TTLL7: variants seen among roughly 807,000 people sequenced by gnomAD.
TTLL7 encodes the protein tubulin polyglutamylase TTLL7.
Under a neutral mutation model 120.2 loss-of-function variants are expected in TTLL7, and 53 were observed. That is an observed-to-expected ratio of 0.44 (90% confidence interval 0.35 to 0.55). The LOEUF is 0.55. TTLL7 is among the 20% of genes least tolerant of loss of function. TTLL7 has a pLI of 0.00. For missense variants in TTLL7, 803 were observed against 1,054.7 expected, an observed-to-expected ratio of 0.76 and a Z score of 3.31; for synonymous variants, 353 against 351.7, an observed-to-expected ratio of 1.00 and a Z score of -0.04.
rs146752944 is a variant in TTLL7 at position 83,872,065 on chromosome 1, A to G, written c.2544-1983T>C. Among the ~76,000 whole-genome samples, 232 of 152,320 alleles carry G rather than the reference A, an allele frequency of 1.5e-3. 5 individuals carry two copies. In the East Asian group the frequency reaches 0.04, roughly 26 times the overall value. The stretch of plus-strand genomic sequence containing the variant: ...GTCAATGGAAAATTATAGTTGTGTT[A>G]TATGAATTATGTAGAAAGAAATGCA... On this transcript the variant is annotated intron_variant, in intron 20 of 20. Coordinates refer to ENST00000260505, the MANE Select transcript of TTLL7 (RefSeq NM_024686.6).
chr1:83,977,871 A>G (rs1651633918), intron 1 of TTLL7, among the ~76,000 whole-genome samples: 1 of 152,206 alleles, frequency 6.6e-6, no homozygotes, highest in Admixed American at 6.5e-5. Context: ...GAATAGAACA[A>G]TGTTTTCCTT....
intron 19 of TTLL7, among the ~76,000 whole-genome samples, chr1:83,888,889 G>T (rs1655195952): frequency 6.6e-6 from 1 of 151,910 alleles, no homozygotes; most frequent in Non-Finnish European, 1.5e-5. Context: ...AGAAGGATAT[G>T]AGAAACAAAA....
intron 20 of TTLL7, among the ~76,000 whole-genome samples, chr1:83,870,887 G>T (rs1331519647): frequency 1.3e-5 from 2 of 151,026 alleles, no homozygotes; most frequent in African/African-American, 4.9e-5. Context: ...CCAGCCTGGG[G>T]GACAAGAGTG....
intron 1 of TTLL7, chr1:83,980,191 GA>G (rs1306191701): frequency 6.6e-6 from 1 of 151,508 alleles, no homozygotes; most frequent in Non-Finnish European, 1.5e-5. Flanking sequence ...ATTTTGGTCT[GA>G]AGAAAAAAAA....
At chr1:83,920,443 A>C (rs1269682189) in intron 12 of TTLL7, 1 of 152,660 alleles carries the variant, frequency 6.6e-6, no homozygotes, top group Admixed American at 6.5e-5. Flanking sequence ...TAGTAGAGAG[A>C]AGTGGGTAGA....
chr1:83,979,379 C>T (rs1350229213), intron 1 of TTLL7: 1 of 151,992 alleles, frequency 6.6e-6, no homozygotes, highest in African/African-American at 2.4e-5. Flanking sequence ...GTGGAGTCAC[C>T]CAACAGTCAG....
chr1:83,942,006 T>C (rs2100841184), intron 7 of TTLL7, among the ~76,000 whole-genome samples: 1 of 152,288 alleles, frequency 6.6e-6, no homozygotes, highest in East Asian at 1.9e-4. Context: ...TCATATACTT[T>C]CTCCCACATT....
chr1:83,920,957 CAGTA>C (rs1323250888), intron 12 of TTLL7, 126 bp downstream of exon 12: 1 of 956,196 alleles, frequency 1.0e-6, no homozygotes, highest in East Asian at 2.6e-5. Flanking sequence ...TTCTGAAAGA[CAGTA>C]AGCAAAAAGC....
intron 1 of TTLL7, among the ~76,000 whole-genome samples, chr1:83,969,408 TAAG>T (rs1402607223): frequency 1.3e-5 from 2 of 151,972 alleles, no homozygotes; most frequent in Non-Finnish European, 2.9e-5. Context: ...ATCATCACTT[TAAG>T]AAGAACTCAC....
intron 1 of TTLL7, among the ~76,000 whole-genome samples, chr1:83,974,251 T>C (rs531770521): frequency 2.6e-5 from 4 of 151,944 alleles, no homozygotes; most frequent in South Asian, 2.1e-4. Context: ...CATATATCTA[T>C]GAAAAAATGA....
At chr1:83,964,504 T>C (rs1322370262) in intron 1 of TTLL7, among the ~76,000 whole-genome samples, 6 of 152,168 alleles carry the variant, frequency 3.9e-5, no homozygotes, top group Admixed American at 3.9e-4. Context: ...TTAATTATTG[T>C]TTCATTATTT....
chr1:83,978,167 T>C (rs1278397915), intron 1 of TTLL7, among the ~76,000 whole-genome samples: 1 of 152,174 alleles, frequency 6.6e-6, no homozygotes, highest in Non-Finnish European at 1.5e-5. Context: ...TAATAACTCA[T>C]CCATTATGGA....
At chr1:83,902,366 T>G (rs546219841) in intron 18 of TTLL7, 2 of 152,118 alleles carry the variant, frequency 1.3e-5, no homozygotes, top group South Asian at 4.1e-4. Flanking sequence ...GGTGTTTTGC[T>G]TTCCACTTTT....
intron 1 of TTLL7, among the ~76,000 whole-genome samples, chr1:83,988,241 A>G (rs1427604542): frequency 1.3e-5 from 2 of 152,198 alleles, no homozygotes; most frequent in African/African-American, 4.8e-5. Context: ...GTAGCATTCT[A>G]TGGTGTATAT....
chr1:83,965,099 T>C (rs566516777), intron 1 of TTLL7, among the ~76,000 whole-genome samples: 5 of 104,000 alleles, frequency 4.8e-5, no homozygotes, highest in African/African-American at 1.9e-4. Flanking sequence ...GTCATCAATC[T>C]CTCCCCAGTC....
At chr1:83,981,657 G>C (rs141695373) in intron 1 of TTLL7, 3 of 152,236 alleles carry the variant, frequency 2.0e-5, no homozygotes, top group Admixed American at 2.0e-4. Flanking sequence ...GTGAAACCCC[G>C]TCTCCACTGA....
At position 83,945,002 on chromosome 1, in the gene TTLL7, T is replaced by C. The variant is rs115009001; in HGVS notation, c.506+2122A>G. On this transcript the variant is annotated intron_variant, in intron 6 of 20. Transcript: ENST00000260505. ...GCAATCATTTTTTAAAACTCAACAA[T>C]ATATAGTAAAAGAAATGACAAGGGA... Among the ~76,000 whole-genome samples, 412 of 152,200 alleles carry C rather than the reference T, an allele frequency of 2.7e-3. 1 individual carries two copies. Among genetic ancestry groups the C allele is most frequent in the Non-Finnish European group, 4.1e-3 (277 of 67,998 alleles).
intron 14 of TTLL7, among the ~76,000 whole-genome samples, chr1:83,911,806 A>C (rs1482472084): frequency 6.6e-6 from 1 of 151,596 alleles, no homozygotes; most frequent in African/African-American, 2.4e-5. Context: ...TGCACGTGCA[A>C]GTGCATCTGT....
At chr1:83,997,798 C>T (rs994497628) in intron 1 of TTLL7, among the ~76,000 whole-genome samples, 1 of 152,174 alleles carries the variant, frequency 6.6e-6, no homozygotes, top group South Asian at 2.1e-4. Context: ...GTTCTTCTTA[C>T]GTTTTTAATC....
Sources: gnomAD v4.1 joint callset for allele counts (sites outside exome capture counted in the v4.1 genomes callset) on GRCh38, gnomAD v4.1.1 for gene constraint, MANE v1.5 for transcripts, NCBI Gene and HGNC (gene_info 2026-07-23, HGNC 2026-07-21) for gene names.